LRMDA: variants seen among roughly 807,000 people sequenced by gnomAD.
The protein encoded by LRMDA is leucine-rich melanocyte differentiation-associated protein.
Under a neutral mutation model 29.8 loss-of-function variants are expected in LRMDA, and 18 were observed. The ratio of observed to expected loss-of-function variants is 0.60; its 90% CI spans 0.42 to 0.90. The LOEUF (loss-of-function observed/expected upper bound fraction) is 0.90, where lower values mean the gene tolerates loss of function less well. LRMDA is among the 40% of genes least tolerant of loss of function. LRMDA has a pLI of 0.00. For synonymous variants in LRMDA, 125 were observed against 109.4 expected (o/e 1.14, Z -0.89); for missense variants, 273 against 273.9 (o/e 1.00, Z 0.02).
In LRMDA at chr10:75,850,582, G is replaced by C. The variant is rs1359986094; in HGVS notation, c.132-185426G>C. 1.1e-4 allele frequency among the ~76,000 whole-genome samples: 16 copies of C among 152,314 alleles called. No individual in the cohort carries two copies. In the South Asian group the frequency reaches 3.3e-3, roughly 32 times the overall value. On this transcript the variant is annotated intron_variant, in intron 2 of 6. Coordinates refer to ENST00000611255, the MANE Select transcript of LRMDA (RefSeq NM_001305581.2). The stretch of plus-strand genomic sequence containing the variant: ...CCAAGAGGTACACTTTGGCCTGAGA[G>C]AATGGCTGTTGAGTGGTATAGAAAA...
At chr10:75,537,889 G>A (rs574450497) in intron 2 of LRMDA, among the ~76,000 whole-genome samples, 3 of 152,226 alleles carry the variant, frequency 2.0e-5, no homozygotes, top group Admixed American at 1.3e-4. Context: ...TGCTCTTTCT[G>A]TCCTCCATCA....
At chr10:76,381,604 C>T (rs1257239889) in intron 6 of LRMDA, among the ~76,000 whole-genome samples, 1 of 152,142 alleles carries the variant, frequency 6.6e-6, no homozygotes, top group Non-Finnish European at 1.5e-5. Flanking sequence ...GACATATACC[C>T]TCATATCCGG....
In LRMDA at chr10:75,602,189, A is replaced by AC. The variant is rs11373498; in HGVS notation, c.131+163703dup. Among the ~76,000 whole-genome samples the AC allele has an allele frequency of 7.1e-3, 1,067 of 151,190 alleles. 9 individuals are homozygous for AC. The highest frequency in any genetic ancestry group is 0.019 in the African/African-American group (778 of 41,192). On this transcript the variant is annotated intron_variant, in intron 2 of 6. Transcript: ENST00000611255. The stretch of plus-strand genomic sequence containing the variant: ...AGTTTCTTATTAGGAGGAAAAAATA[A>AC]CCCCCCCCAAATATTCCAAATGATG...
intron 5 of LRMDA, among the ~76,000 whole-genome samples, chr10:76,267,441 C>T (rs1840020523): frequency 6.6e-6 from 1 of 152,114 alleles, no homozygotes; most frequent in South Asian, 2.1e-4. Context: ...TTTTTTATCA[C>T]TCCAGTAGAA....
intron 2 of LRMDA, among the ~76,000 whole-genome samples, chr10:75,889,523 C>T (rs1443978202): frequency 2.0e-5 from 3 of 151,720 alleles, no homozygotes; most frequent in African/African-American, 7.3e-5. Flanking sequence ...TATTTTTTTT[C>T]CAGGATCAAA....
intron 2 of LRMDA, among the ~76,000 whole-genome samples, chr10:75,477,061 G>A (rs1249802842): frequency 6.6e-6 from 1 of 151,310 alleles, no homozygotes; most frequent in African/African-American, 2.4e-5. Context: ...CGCCAACACA[G>A]CTCACTGCTG....
At chr10:75,750,728 G>C (rs533528210) in intron 2 of LRMDA, among the ~76,000 whole-genome samples, 1 of 143,538 alleles carries the variant, frequency 7.0e-6, no homozygotes, top group Non-Finnish European at 1.5e-5. Flanking sequence ...GGGCGGGGGG[G>C]CAGAGGGGCT....
At chr10:75,614,943 C>T (rs562933169) in intron 2 of LRMDA, among the ~76,000 whole-genome samples, 1 of 152,302 alleles carries the variant, frequency 6.6e-6, no homozygotes, top group Admixed American at 6.5e-5. Context: ...GAGTTAGGTG[C>T]TCACCAAGCC....
intron 6 of LRMDA, among the ~76,000 whole-genome samples, chr10:76,398,030 G>C (rs763635877): frequency 2.6e-4 from 39 of 152,192 alleles, no homozygotes; most frequent in South Asian, 1.5e-3. Context: ...CTCTATTTTG[G>C]GACATCTGAG....
intron 2 of LRMDA, among the ~76,000 whole-genome samples, chr10:75,781,560 G>A (rs1843383714): frequency 6.6e-6 from 1 of 152,172 alleles, no homozygotes; most frequent in African/African-American, 2.4e-5. Context: ...TTTATAAAGT[G>A]CTTTAATGCG....
chr10:76,227,390 T>A (rs1024122086), intron 5 of LRMDA, among the ~76,000 whole-genome samples: 1 of 152,222 alleles, frequency 6.6e-6, no homozygotes, highest in Non-Finnish European at 1.5e-5. Flanking sequence ...CTCTGTTTTT[T>A]CTTCCTTCCT....
intron 2 of LRMDA, among the ~76,000 whole-genome samples, chr10:75,865,113 G>A (rs1844998619): frequency 6.6e-6 from 1 of 152,040 alleles, no homozygotes; most frequent in Non-Finnish European, 1.5e-5. Flanking sequence ...ATTTTGCATA[G>A]CTAAGTTTTA....
intron 5 of LRMDA, among the ~76,000 whole-genome samples, chr10:76,321,687 GT>G: frequency 6.6e-6 from 1 of 152,190 alleles, no homozygotes; most frequent in East Asian, 1.9e-4. Context: ...GCTCATGCCT[GT>G]AATCCCAGCC....
chr10:76,226,513 G>A lies in LRMDA; in HGVS notation c.517-97888G>A, dbSNP rs112578803. Among the ~76,000 whole-genome samples, 510 of 152,250 alleles carry A rather than the reference G, an allele frequency of 3.3e-3. 4 individuals are homozygous for A. Among genetic ancestry groups the A allele is most frequent in the African/African-American group, 0.01 (424 of 41,530 alleles). ...CAGGAGAATTGCTTGAACTCAGGAG[G>A]CAGAGGTTGCAGTGACCCGAGATCA... On this transcript the variant is annotated intron_variant, in intron 5 of 6. Coordinates refer to ENST00000611255, the MANE Select transcript of LRMDA (RefSeq NM_001305581.2).
chr10:76,449,927 C>G (rs1842389742), intron 6 of LRMDA, among the ~76,000 whole-genome samples: 1 of 151,920 alleles, frequency 6.6e-6, no homozygotes, highest in Admixed American at 6.6e-5. Flanking sequence ...TATGACTTTT[C>G]CAGACTTTGA....
At chr10:76,143,186 T>C (rs567381468) in intron 5 of LRMDA, among the ~76,000 whole-genome samples, 1 of 152,338 alleles carries the variant, frequency 6.6e-6, no homozygotes, top group Non-Finnish European at 1.5e-5. Flanking sequence ...GCATGATTTA[T>C]TATCCTTTGG....
intron 6 of LRMDA, among the ~76,000 whole-genome samples, chr10:76,531,772 GT>G (rs1054973087): frequency 6.6e-6 from 1 of 152,010 alleles, no homozygotes; most frequent in African/African-American, 2.4e-5. Context: ...GTATTTGCCT[GT>G]TTTTGGTATC....
At chr10:75,957,489 G>C (rs983307898) in intron 2 of LRMDA, among the ~76,000 whole-genome samples, 1 of 152,206 alleles carries the variant, frequency 6.6e-6, no homozygotes, top group Non-Finnish European at 1.5e-5. Flanking sequence ...AGGAGAATGA[G>C]TTTCTGCTGC....
intron 6 of LRMDA, among the ~76,000 whole-genome samples, chr10:76,388,329 T>TA (rs1198472427): frequency 6.6e-6 from 1 of 152,182 alleles, no homozygotes; most frequent in Non-Finnish European, 1.5e-5. Context: ...TCAGAAAGCA[T>TA]AAGGTAATAG....
Sources: allele counts gnomAD v4.1 joint callset (sites outside exome capture counted in the v4.1 genomes callset), GRCh38; gene constraint gnomAD v4.1.1; transcripts MANE v1.5; gene names NCBI Gene and HGNC (gene_info 2026-07-23, HGNC 2026-07-21).